Variants in PTPN22 observed in about 807,000 individuals in gnomAD.
PTPN22 encodes the protein tyrosine-protein phosphatase non-receptor type 22.
PTPN22 carries 85 observed loss-of-function variants against 103.3 expected under a neutral mutation model. The ratio of observed to expected loss-of-function variants is 0.82; its 90% CI spans 0.69 to 0.99. PTPN22 has a LOEUF of 0.99. Among genes scored for constraint, PTPN22 ranks in the 50% least tolerant of loss-of-function variants. The pLI, the probability that PTPN22 is intolerant of heterozygous loss-of-function variation, is 0.00. For synonymous variants in PTPN22, 323 were observed against 310.2 expected, an observed-to-expected ratio of 1.04 and a Z score of -0.43; for missense variants, 865 against 936.9, an observed-to-expected ratio of 0.92 and a Z score of 1.00.
intron 13 of PTPN22, among the ~76,000 whole-genome samples, chr1:113,835,709 A>G (rs1387225212): frequency 6.6e-6 from 1 of 152,208 alleles, no homozygotes; most frequent in Non-Finnish European, 1.5e-5. Flanking sequence ...GTTCAGTTAT[A>G]CATTAGGTAA....
At chr1:113,866,667 G>A (rs145064137) in intron 1 of PTPN22, among the ~76,000 whole-genome samples, 2 of 152,268 alleles carry the variant, frequency 1.3e-5, no homozygotes, top group East Asian at 1.9e-4. Flanking sequence ...ACACAAAATT[G>A]TATCTATGCT....
At chr1:113,854,299 T>A (rs1223110995) in intron 9 of PTPN22, among the ~76,000 whole-genome samples, 172 bp downstream of exon 9, 2 of 152,212 alleles carry the variant, frequency 1.3e-5, no homozygotes, top group Non-Finnish European at 2.9e-5. Context: ...GGGACCACCC[T>A]TTAAGACCCA....
intron 10 of PTPN22, among the ~76,000 whole-genome samples, chr1:113,849,547 A>G (rs1231888872): frequency 6.6e-6 from 1 of 151,982 alleles, no homozygotes; most frequent in Non-Finnish European, 1.5e-5. Context: ...CAGAGTCTAT[A>G]TCATTCAACA....
chr1:113,830,118 A>G, intron 16 of PTPN22, 89 bp from the exon 17 acceptor site: 1 of 912,030 alleles, frequency 1.1e-6, no homozygotes. Flanking sequence ...TAATTTTTTA[A>G]TCAATCAATC....
chr1:113,855,684 T>C (rs1664994446), intron 7 of PTPN22, among the ~76,000 whole-genome samples: 3 of 152,206 alleles, frequency 2.0e-5, no homozygotes, highest in Non-Finnish European at 1.5e-5. Flanking sequence ...GGTGACCAGA[T>C]GCTTTCTGAA....
intron 11 of PTPN22, among the ~76,000 whole-genome samples, chr1:113,843,305 T>C (rs1663766921): frequency 6.6e-6 from 1 of 151,394 alleles, no homozygotes; most frequent in Admixed American, 6.6e-5. Flanking sequence ...TGTGTGTGTG[T>C]GTGGTGTGTG....
intron 1 of PTPN22, among the ~76,000 whole-genome samples, chr1:113,861,177 CATCTT>C (rs781463939): frequency 1.3e-5 from 2 of 152,112 alleles, no homozygotes; most frequent in African/African-American, 2.4e-5. Flanking sequence ...TTCCCTCAAA[CATCTT>C]ATCTTAAGGT....
chr1:113,820,821 A>ATT (rs1661531964), intron 19 of PTPN22, among the ~76,000 whole-genome samples: 1 of 152,128 alleles, frequency 6.6e-6, no homozygotes, highest in Non-Finnish European at 1.5e-5. Flanking sequence ...AGGTATGCAT[A>ATT]TTTGCACATG....
intron 18 of PTPN22, among the ~76,000 whole-genome samples, chr1:113,825,979 C>T (rs968366733): frequency 1.3e-5 from 2 of 152,068 alleles, no homozygotes; most frequent in African/African-American, 4.8e-5. Context: ...TTCCAAAGTG[C>T]TGGGATTACA....
chr1:113,859,502 T>C, intron 1 of PTPN22, 42 bp from the exon 2 acceptor site: 1 of 1,491,368 alleles, frequency 6.7e-7, no homozygotes, highest in South Asian at 1.1e-5. Flanking sequence ...CCTAGAGAAA[T>C]GAGGTAAGAA....
chr1:113,859,188 A>G, intron 2 of PTPN22, 110 bp from the exon 3 acceptor site: 8 of 1,476,982 alleles, frequency 5.4e-6, no homozygotes, highest in South Asian at 5.2e-5. Flanking sequence ...AAGTGAGTGA[A>G]TGAATGAATG....
chr1:113,851,428 A>G (rs1437900718), intron 10 of PTPN22, among the ~76,000 whole-genome samples: 2 of 152,198 alleles, frequency 1.3e-5, no homozygotes, highest in South Asian at 2.1e-4. Context: ...TGCTGGGATT[A>G]CAGGTGTCAG....
intron 5 of PTPN22, 24 bp from the exon 6 acceptor site, chr1:113,856,643 T>C: frequency 6.2e-7 from 1 of 1,614,104 alleles, no homozygotes; most frequent in Non-Finnish European, 8.5e-7. Flanking sequence ...CAGAATACAG[T>C]GATTTCCCTC....
At chr1:113,867,950 A>C (rs1397043209) in intron 1 of PTPN22, among the ~76,000 whole-genome samples, 2 of 152,248 alleles carry the variant, frequency 1.3e-5, no homozygotes, top group Non-Finnish European at 2.9e-5. Flanking sequence ...AAAATGGCAT[A>C]GTATTTACAC....
intron 11 of PTPN22, among the ~76,000 whole-genome samples, chr1:113,843,090 A>C (rs1663720700): frequency 7.0e-6 from 1 of 141,994 alleles, no homozygotes; most frequent in African/African-American, 2.6e-5. Flanking sequence ...ACAGAGCGAG[A>C]CTCCGTCTCA....
At chr1:113,866,421 G>GA (rs1359312754) in intron 1 of PTPN22, among the ~76,000 whole-genome samples, 1 of 152,104 alleles carries the variant, frequency 6.6e-6, no homozygotes, top group Non-Finnish European at 1.5e-5. Context: ...TGAGCCAGGA[G>GA]AATAGCTTGA....
intron 20 of PTPN22, among the ~76,000 whole-genome samples, chr1:113,818,460 G>A (rs1223871028): frequency 1.3e-5 from 2 of 152,046 alleles, no homozygotes; most frequent in Non-Finnish European, 2.9e-5. Context: ...ACCCCTCCCA[G>A]CCTAAATTAT....
Position 113,856,694 on chromosome 1 carries a change from A to G in PTPN22, c.409-75T>C, listed in dbSNP as rs931414914. On this transcript the variant is annotated intron_variant, in intron 5 of 20. Coordinates refer to ENST00000359785, the Ensembl canonical transcript of PTPN22. Reference sequence around the variant, plus strand: ...TTTCCACTCTCTCATTTGGAAGCAAATTCAGCTCTATGTCCTTCACCTTAG... The same window carrying G: ...TTTCCACTCTCTCATTTGGAAGCAAGTTCAGCTCTATGTCCTTCACCTTAG... 1.2e-5 allele frequency: 19 copies of G among 1,597,592 alleles called. No individual in the cohort carries two copies. In the Admixed American group the frequency reaches 3.3e-4, roughly 28 times the overall value.
chr1:113,822,090 C>G (rs576952642), intron 19 of PTPN22, among the ~76,000 whole-genome samples: 36 of 152,174 alleles, frequency 2.4e-4, no homozygotes, highest in Non-Finnish European at 5.0e-4. Context: ...CAGAGTGAGA[C>G]TAACCTGAGA....
Sources: allele counts gnomAD v4.1 joint callset (sites outside exome capture counted in the v4.1 genomes callset), GRCh38; gene constraint gnomAD v4.1.1; transcripts MANE v1.5; gene names NCBI Gene and HGNC (gene_info 2026-07-23, HGNC 2026-07-21).